Variants in TMEM117 observed in about 807,000 individuals in gnomAD.
TMEM117 encodes the protein transmembrane protein 117.
TMEM117 carries 27 observed loss-of-function variants against 52.4 expected under a neutral mutation model. The ratio of observed to expected loss-of-function variants is 0.51; its 90% confidence interval spans 0.38 to 0.71. TMEM117 has a LOEUF of 0.71. Ranked by LOEUF, TMEM117 falls within the 30% of genes least tolerant of loss-of-function variation. The pLI is 0.00. For missense variants in TMEM117, 556 were observed against 630.5 expected, an observed-to-expected ratio of 0.88 and a Z score of 1.26; for synonymous variants, 215 against 206.3, an observed-to-expected ratio of 1.04 and a Z score of -0.36.
At chr12:44,335,606 G>C (rs1181355033) in intron 6 of TMEM117, among the ~76,000 whole-genome samples, 1 of 151,998 alleles carries the variant, frequency 6.6e-6, no homozygotes, top group Non-Finnish European at 1.5e-5. Flanking sequence ...AAGTTAAAAT[G>C]TATCTAATGG....
chr12:43,935,626 G>T (rs998689260), intron 2 of TMEM117, among the ~76,000 whole-genome samples: 1 of 152,176 alleles, frequency 6.6e-6, no homozygotes, highest in Non-Finnish European at 1.5e-5. Context: ...CACTGACAAA[G>T]CAAATCATAA....
At chr12:43,961,039 G>A (rs1565770761) in intron 3 of TMEM117, among the ~76,000 whole-genome samples, 1 of 152,112 alleles carries the variant, frequency 6.6e-6, no homozygotes, top group Non-Finnish European at 1.5e-5. Flanking sequence ...CTTTAGCCAT[G>A]TGACTCTGAG....
At chr12:43,862,208 G>A (rs1355076547) in intron 2 of TMEM117, among the ~76,000 whole-genome samples, 1 of 152,128 alleles carries the variant, frequency 6.6e-6, no homozygotes, top group African/African-American at 2.4e-5. Flanking sequence ...TTGTTCCTTT[G>A]CCCAGGCTGG....
At chr12:44,341,678 C>A (rs7300557) in intron 6 of TMEM117, among the ~76,000 whole-genome samples, 65,114 of 151,914 alleles carry the variant, frequency 0.43, 15,008 homozygotes, top group East Asian at 0.9. Context: ...GGAGAGACAA[C>A]CATGGCATGG....
At position 44,279,794 on chromosome 12, in the gene TMEM117, G is replaced by A. The variant is rs193266488; in HGVS notation, c.609-19786G>A. ...CTCCCAAAGTGCTGGGATTACAGGC[G>A]TGAGCCAGCGCACCCGGCCTACAAT... On this transcript the variant is annotated intron_variant, in intron 5 of 7. Transcript: ENST00000266534. Among the ~76,000 whole-genome samples the A allele has an allele frequency of 3.2e-3, 493 of 152,258 alleles. 4 individuals are homozygous for A. Among genetic ancestry groups the A allele is most frequent in the South Asian group, 0.013 (61 of 4,830 alleles).
At chr12:44,396,861 A>G in the TMEM117 span, among the ~76,000 whole-genome samples, 92 of 151,654 alleles carry the variant, frequency 6.1e-4, 2 homozygotes, top group South Asian at 0.014. Context: ...AAAAAAAAAA[A>G]AAAGAAAGAA....
At chr12:43,797,812 C>T in the TMEM117 span, 42 of 1,613,168 alleles carry the variant, frequency 2.6e-5, no homozygotes, top group Non-Finnish European at 3.2e-5. Context: ...TGCTTAGTGT[C>T]CACACCCACG....
intron 5 of TMEM117, among the ~76,000 whole-genome samples, chr12:44,293,400 T>G (rs764542871): frequency 9.2e-5 from 14 of 152,086 alleles, no homozygotes; most frequent in Non-Finnish European, 2.1e-4. Flanking sequence ...CATTTTTAGA[T>G]TGAAGAATGT....
At chr12:43,824,880 T>G in the TMEM117 span, among the ~76,000 whole-genome samples, 3 of 152,132 alleles carry the variant, frequency 2.0e-5, no homozygotes, top group African/African-American at 7.2e-5. Flanking sequence ...AAGCCAAGAT[T>G]GTGCCACTAC....
At chr12:44,148,352 T>C (rs1391274831) in intron 4 of TMEM117, among the ~76,000 whole-genome samples, 1 of 152,220 alleles carries the variant, frequency 6.6e-6, no homozygotes. Context: ...ACATAGCCTT[T>C]GTAGTTGGAA....
chr12:43,920,811 T>C (rs1249126199), intron 2 of TMEM117, among the ~76,000 whole-genome samples: 3 of 152,122 alleles, frequency 2.0e-5, no homozygotes, highest in African/African-American at 4.8e-5. Flanking sequence ...TCAGAGAGTA[T>C]CTCTTCTCTG....
At chr12:44,209,539 A>G (rs1239218350) in intron 4 of TMEM117, among the ~76,000 whole-genome samples, 1 of 152,162 alleles carries the variant, frequency 6.6e-6, no homozygotes, top group Non-Finnish European at 1.5e-5. Flanking sequence ...AGTGATTGAC[A>G]GTTTAAAGAG....
At chr12:44,266,554 T>G (rs1367690214) in intron 5 of TMEM117, among the ~76,000 whole-genome samples, 1 of 152,182 alleles carries the variant, frequency 6.6e-6, no homozygotes, top group East Asian at 1.9e-4. Context: ...GCATGTATTT[T>G]CTCCTAGTTT....
At chr12:43,886,897 G>A (rs183956219) in intron 2 of TMEM117, among the ~76,000 whole-genome samples, 1 of 152,198 alleles carries the variant, frequency 6.6e-6, no homozygotes, top group East Asian at 1.9e-4. Context: ...GTCTAGACTG[G>A]TGTGCTGTGG....
At chr12:43,958,597 A>T (rs1311869579) in intron 3 of TMEM117, among the ~76,000 whole-genome samples, 1 of 152,172 alleles carries the variant, frequency 6.6e-6, no homozygotes, top group Non-Finnish European at 1.5e-5. Flanking sequence ...GACTGTAATG[A>T]GAATGGAATA....
chr12:43,919,863 A>G (rs904116913), intron 2 of TMEM117, among the ~76,000 whole-genome samples: 1 of 110,436 alleles, frequency 9.1e-6, no homozygotes, highest in Non-Finnish European at 1.7e-5. Context: ...TGTGGTTTTG[A>G]TTTTCATGTT....
chr12:44,177,571 A>G (rs1320560069), intron 4 of TMEM117, among the ~76,000 whole-genome samples: 1 of 152,160 alleles, frequency 6.6e-6, no homozygotes, highest in Non-Finnish European at 1.5e-5. Context: ...CAAAGGCTGA[A>G]ACGCTGCATA....
At chr12:43,818,920 T>C in the TMEM117 span, among the ~76,000 whole-genome samples, 2 of 152,238 alleles carry the variant, frequency 1.3e-5, no homozygotes, top group African/African-American at 4.8e-5. Context: ...TTTCCTTCCT[T>C]GTCATTTGTT....
chr12:43,799,795 G>C, the TMEM117 span, among the ~76,000 whole-genome samples: 1 of 151,972 alleles, frequency 6.6e-6, no homozygotes, highest in Admixed American at 6.6e-5. Context: ...AAGTCTATAG[G>C]ACAACTGTAA....
Sources: allele counts gnomAD v4.1 joint callset (sites outside exome capture counted in the v4.1 genomes callset), GRCh38; gene constraint gnomAD v4.1.1; transcripts MANE v1.5; gene names NCBI Gene and HGNC (gene_info 2026-07-23, HGNC 2026-07-21).